The following NFYC variants were observed in gnomAD, a reference collection of about 807,000 sequenced individuals.
NFYC encodes the protein nuclear transcription factor Y subunit gamma.
NFYC carries 25 observed loss-of-function variants against 53.1 expected under a neutral mutation model. That is an observed-to-expected ratio of 0.47 (90% CI 0.34 to 0.66). The LOEUF (loss-of-function observed/expected upper bound fraction) is 0.66, where lower values mean the gene tolerates loss of function less well. NFYC is among the 30% of genes least tolerant of loss of function. The pLI is 0.01. For synonymous variants in NFYC, 145 were observed against 152.6 expected, an observed-to-expected ratio of 0.95 and a Z score of 0.37; for missense variants, 260 against 422.7, an observed-to-expected ratio of 0.62 and a Z score of 3.38.
At chr1:40,717,922 A>T (rs1644196967) in intron 1 of NFYC, among the ~76,000 whole-genome samples, 1 of 152,258 alleles carries the variant, frequency 6.6e-6, no homozygotes, top group Non-Finnish European at 1.5e-5. Flanking sequence ...CAGGAATGAG[A>T]CTAGCCTCAT....
chr1:40,699,389 C>T (rs1449358093), intron 1 of NFYC, among the ~76,000 whole-genome samples: 1 of 152,158 alleles, frequency 6.6e-6, no homozygotes, highest in Non-Finnish European at 1.5e-5. Flanking sequence ...ATCCCTTTGA[C>T]ACTGGCATGA....
intron 2 of NFYC, among the ~76,000 whole-genome samples, chr1:40,746,155 G>A (rs1216552949): frequency 6.6e-6 from 1 of 152,202 alleles, no homozygotes; most frequent in Non-Finnish European, 1.5e-5. Context: ...TTAATAAACT[G>A]AACTTCTAAG....
intron 1 of NFYC, among the ~76,000 whole-genome samples, chr1:40,737,503 ATTT>A (rs1645100578): frequency 6.6e-6 from 1 of 151,250 alleles, no homozygotes; most frequent in African/African-American, 2.4e-5. Flanking sequence ...TAATTTTTGT[ATTT>A]TTAGTAGAGA....
At chr1:40,710,127 GA>G (rs1432401506) in intron 1 of NFYC, among the ~76,000 whole-genome samples, 1 of 152,218 alleles carries the variant, frequency 6.6e-6, no homozygotes, top group Non-Finnish European at 1.5e-5. Flanking sequence ...TAACTTTCTT[GA>G]TTTACCAGTC....
chr1:40,740,833 G>A (rs932073104), intron 2 of NFYC, among the ~76,000 whole-genome samples: 1 of 152,058 alleles, frequency 6.6e-6, no homozygotes, highest in Admixed American at 6.6e-5. Context: ...AGCTTGAGCC[G>A]AGAGGCATAA....
chr1:40,698,002 G>C (rs1643240735), intron 1 of NFYC, among the ~76,000 whole-genome samples: 1 of 152,224 alleles, frequency 6.6e-6, no homozygotes, highest in Non-Finnish European at 1.5e-5. Context: ...AGTTTAAAGA[G>C]TGGAACTAGA....
intron 1 of NFYC, among the ~76,000 whole-genome samples, chr1:40,696,230 G>C (rs1471726780): frequency 6.6e-6 from 1 of 151,780 alleles, no homozygotes; most frequent in Non-Finnish European, 1.5e-5. Flanking sequence ...TCACTGTGTT[G>C]GCCAGGCTGG....
At chr1:40,694,641 A>G (rs1469950507) in intron 1 of NFYC, among the ~76,000 whole-genome samples, 1 of 152,074 alleles carries the variant, frequency 6.6e-6, no homozygotes, top group African/African-American at 2.4e-5. Context: ...ATGAGTGTAT[A>G]TGTACACCTT....
chr1:40,749,476 C>T, intron 3 of NFYC, 97 bp from the exon 4 acceptor site: 2 of 900,974 alleles, frequency 2.2e-6, no homozygotes, highest in Non-Finnish European at 3.7e-6. Context: ...ATTTTTTGAC[C>T]CTTGCCCCAT....
chr1:40,695,733 G>A (rs1643097392), intron 1 of NFYC: 1 of 152,088 alleles, frequency 6.6e-6, no homozygotes. Flanking sequence ...GCTATGCTGG[G>A]TGTCTTTTTG....
At chr1:40,768,546 A>G (rs1646931415) in intron 8 of NFYC, 1 of 152,226 alleles carries the variant, frequency 6.6e-6, no homozygotes. Flanking sequence ...AGGAAATGGT[A>G]CACAGAGGAC....
chr1:40,708,475 T>A lies in NFYC; in HGVS notation c.-9+16608T>A, dbSNP rs183624338. On this transcript the variant is annotated intron_variant, in intron 1 of 9. Coordinates refer to ENST00000447388, the MANE Select transcript of NFYC (RefSeq NM_014223.5). ...TCTCCCATGGATACCAGGGGATGAT[T>A]GTATTCACTAATGTTCTAGCTTTTT... Among the ~76,000 whole-genome samples the A allele has an allele frequency of 2.6e-4, 39 of 152,310 alleles. No homozygotes were observed. The East Asian group carries it at 7.3e-3, about 29-fold the overall frequency.
Position 40,721,008 on chromosome 1 carries a change from C to T in NFYC, c.-8-17828C>T, listed in dbSNP as rs530409255. On this transcript the variant is annotated intron_variant, in intron 1 of 9. Transcript: ENST00000447388. ...AAAATGATTATGTTTGTCTTACAAA[C>T]GGGGGAAAAAATAGGAGCATGAAAA... Among the ~76,000 whole-genome samples the T allele has an allele frequency of 1.5e-4, 22 of 151,662 alleles. No individual in the cohort carries two copies. In the South Asian group the frequency reaches 4.4e-3, roughly 30 times the overall value.
intron 6 of NFYC, 90 bp from the exon 7 acceptor site, chr1:40,762,798 T>C: frequency 7.7e-7 from 1 of 1,290,916 alleles, no homozygotes; most frequent in Non-Finnish European, 1.0e-6. Flanking sequence ...GAGGGTTTGC[T>C]CCCAGCACAT....
At chr1:40,699,182 A>AAACAT (rs1045494619) in intron 1 of NFYC, among the ~76,000 whole-genome samples, 4 of 151,970 alleles carry the variant, frequency 2.6e-5, no homozygotes, top group African/African-American at 9.7e-5. Context: ...AAACAAAACA[A>AAACAT]AACCAAAAAA....
chr1:40,737,899 CTCTTTTTTTT>C (rs1365322073), intron 1 of NFYC, among the ~76,000 whole-genome samples: 1 of 129,142 alleles, frequency 7.7e-6, no homozygotes, highest in Non-Finnish European at 1.6e-5. Context: ...CGTGCTCTCT[CTCTTTTTTTT>C]TTTTTTTTTT....
At chr1:40,716,349 T>C (rs1171411082) in intron 1 of NFYC, among the ~76,000 whole-genome samples, 2 of 152,054 alleles carry the variant, frequency 1.3e-5, no homozygotes, top group Non-Finnish European at 2.9e-5. Flanking sequence ...TTCCAGACAT[T>C]GGGAGCAACA....
intron 6 of NFYC, among the ~76,000 whole-genome samples, chr1:40,759,908 G>T (rs1473365265): frequency 6.6e-6 from 1 of 152,054 alleles, no homozygotes; most frequent in Non-Finnish European, 1.5e-5. Context: ...TTCTAATAAG[G>T]AGCTGAGTTT....
chr1:40,730,497 A>G, intron 1 of NFYC: 1 of 935,162 alleles, frequency 1.1e-6, no homozygotes, highest in Non-Finnish European at 1.3e-6. Flanking sequence ...GTATCTGTGA[A>G]GCACAATAAA....
Sources: gnomAD v4.1 joint callset for allele counts (sites outside exome capture counted in the v4.1 genomes callset) on GRCh38, gnomAD v4.1.1 for gene constraint, MANE v1.5 for transcripts, NCBI Gene and HGNC (gene_info 2026-07-23, HGNC 2026-07-21) for gene names.